Variants in GRIN2A observed in about 807,000 individuals in gnomAD.
GRIN2A encodes glutamate ionotropic receptor NMDA type subunit 2A.
Under a neutral mutation model 113.4 loss-of-function variants are expected in GRIN2A, and 22 were observed. The ratio of observed to expected loss-of-function variants is 0.19; its 90% CI spans 0.14 to 0.28. The LOEUF (loss-of-function observed/expected upper bound fraction) is 0.28, where lower values mean the gene tolerates loss of function less well. Ranked by LOEUF, GRIN2A falls within the 10% of genes least tolerant of loss-of-function variation. The probability of loss-of-function intolerance (pLI) is 1.00; values close to 1 mark genes in which losing one functional copy is unlikely to be tolerated. For missense variants in GRIN2A, 1,502 were observed against 1,887.0 expected (o/e 0.80, Z 3.78); for synonymous variants, 827 against 738.4 (o/e 1.12, Z -1.94).
intron 11 of GRIN2A, among the ~76,000 whole-genome samples, chr16:9,785,564 G>A (rs1035523249): frequency 4.0e-5 from 6 of 150,450 alleles, no homozygotes; most frequent in Non-Finnish European, 7.4e-5. Context: ...CGTTGTGCAC[G>A]TGTACCCTAA....
chr16:9,929,878 C>T (rs1459760942), intron 3 of GRIN2A, among the ~76,000 whole-genome samples: 1 of 152,110 alleles, frequency 6.6e-6, no homozygotes, highest in African/African-American at 2.4e-5. Flanking sequence ...ATGTGTGACC[C>T]CAAAACAACC....
At chr16:10,126,215 T>A (rs2142200252) in intron 2 of GRIN2A, among the ~76,000 whole-genome samples, 1 of 151,942 alleles carries the variant, frequency 6.6e-6, no homozygotes, top group South Asian at 2.1e-4. Flanking sequence ...CAGGCTGGAA[T>A]GCAGTGGCAC....
At chr16:9,850,584 A>G (rs2042866001) in intron 4 of GRIN2A, among the ~76,000 whole-genome samples, 1 of 152,180 alleles carries the variant, frequency 6.6e-6, no homozygotes, top group Non-Finnish European at 1.5e-5. Flanking sequence ...AGATGAAGCT[A>G]GAGAGTGAAA....
chr16:9,919,659 C>T (rs2044321456), intron 3 of GRIN2A, among the ~76,000 whole-genome samples: 3 of 152,210 alleles, frequency 2.0e-5, no homozygotes, highest in South Asian at 2.1e-4. Context: ...GCTCAGAGGT[C>T]ACTGCAGTAC....
At chr16:9,887,516 T>C (rs952004218) in intron 4 of GRIN2A, among the ~76,000 whole-genome samples, 1 of 152,256 alleles carries the variant, frequency 6.6e-6, no homozygotes, top group African/African-American at 2.4e-5. Flanking sequence ...CATGTTGTTG[T>C]ACATATTACT....
Position 9,991,316 on chromosome 16 carries a change from C to T in GRIN2A, c.415-52765G>A, listed in dbSNP as rs534804249. Among the ~76,000 whole-genome samples, 125 of 152,326 alleles carry T rather than the reference C, an allele frequency of 8.2e-4. 3 individuals are homozygous for T. The South Asian group carries it at 0.025, about 31-fold the overall frequency. On this transcript the variant is annotated intron_variant, in intron 2 of 12. Transcript: ENST00000330684. Reference sequence around the variant, plus strand: ...CCCCAAGGTGGAGAACCAGTTCAATCTTGGTCCTCTGGCTCCAGGGTTCAG... The same window carrying T: ...CCCCAAGGTGGAGAACCAGTTCAATTTTGGTCCTCTGGCTCCAGGGTTCAG...
chr16:10,077,681 C>T (rs920592463), intron 2 of GRIN2A, among the ~76,000 whole-genome samples: 5 of 152,206 alleles, frequency 3.3e-5, no homozygotes, highest in African/African-American at 1.2e-4. Flanking sequence ...CCTTTCTGCC[C>T]TCATCTCCTT....
chr16:9,975,968 A>G (rs1477077100), intron 2 of GRIN2A, among the ~76,000 whole-genome samples: 1 of 152,242 alleles, frequency 6.6e-6, no homozygotes, highest in Non-Finnish European at 1.5e-5. Flanking sequence ...TAATAACCAT[A>G]AATGTGTATG....
intron 4 of GRIN2A, 60 bp downstream of exon 4, chr16:9,890,926 C>T (rs1189254122): frequency 2.5e-5 from 25 of 1,010,386 alleles, no homozygotes; most frequent in Non-Finnish European, 3.6e-5. Context: ...GCACTGTGAG[C>T]CCCTTTATTG....
chr16:9,835,782 G>A (rs1178469586), intron 7 of GRIN2A, among the ~76,000 whole-genome samples: 2 of 152,106 alleles, frequency 1.3e-5, no homozygotes, highest in African/African-American at 4.8e-5. Flanking sequence ...ACAGCTAGAG[G>A]TCACCACAAA....
At chr16:10,029,396 G>C (rs1444018043) in intron 2 of GRIN2A, among the ~76,000 whole-genome samples, 1 of 152,092 alleles carries the variant, frequency 6.6e-6, no homozygotes, top group Non-Finnish European at 1.5e-5. Context: ...GTTTCTCCAT[G>C]TTGGTCAGGC....
chr16:10,100,295 C>A (rs1426699286), intron 2 of GRIN2A, among the ~76,000 whole-genome samples: 1 of 152,136 alleles, frequency 6.6e-6, no homozygotes, highest in African/African-American at 2.4e-5. Context: ...TTGAAAGATC[C>A]CACTGGCTTC....
chr16:9,756,845 AT>A lies in GRIN2A; in HGVS notation c.*6303del, dbSNP rs1216409923. 5.4e-6 allele frequency: 1 copy of A among 183,700 alleles called. No homozygotes were observed. The highest frequency in any genetic ancestry group is 2.3e-5 in the African/African-American group (1 of 42,564). The allele number at this position is 183,700 out of a possible 1,614,324, so 11.4% of individuals were successfully genotyped here. A position where few individuals can be genotyped will look rare whatever the true frequency, so the allele number is the denominator to read the frequency against. On this transcript the variant is annotated 3_prime_UTR_variant, in exon 13 of 13. Coordinates refer to ENST00000330684, the MANE Select transcript of GRIN2A (RefSeq NM_001134407.3). Reference sequence around the variant, plus strand: ...ACAAAAGCTCCCTCTCCACCTCGCCATCCTTCCTGAAATACACCTCTATTCC... The same window carrying A: ...ACAAAAGCTCCCTCTCCACCTCGCCACCTTCCTGAAATACACCTCTATTCC...
intron 4 of GRIN2A, among the ~76,000 whole-genome samples, chr16:9,850,971 C>T (rs1486774563): frequency 6.6e-6 from 1 of 152,138 alleles, no homozygotes; most frequent in Non-Finnish European, 1.5e-5. Flanking sequence ...CACAGGTCAC[C>T]GCTTTATTTG....
chr16:10,099,793 A>G (rs555843307), intron 2 of GRIN2A, among the ~76,000 whole-genome samples: 11 of 152,298 alleles, frequency 7.2e-5, no homozygotes, highest in African/African-American at 1.9e-4. Context: ...TCAACATGGT[A>G]TTGAAGTCAG....
intron 2 of GRIN2A, among the ~76,000 whole-genome samples, chr16:10,094,394 G>A (rs960213696): frequency 6.6e-6 from 1 of 152,052 alleles, no homozygotes; most frequent in Non-Finnish European, 1.5e-5. Flanking sequence ...ATACATGAGG[G>A]GATTTTTTTA....
rs745747384 is a variant in GRIN2A at position 9,763,123 on chromosome 16, A to G, written c.*26T>C. 6 of 1,607,588 alleles carry G rather than the reference A, an allele frequency of 3.7e-6. No individual in the cohort carries two copies. The African/African-American group carries it at 4.0e-5, about 11-fold the overall frequency. ...CATTGGCCATTACGTATATTTCCCT[A>G]TAGATAAAACATTAATGGAAGATTT... On this transcript the variant is annotated 3_prime_UTR_variant, in exon 13 of 13. Coordinates refer to ENST00000330684, the MANE Select transcript of GRIN2A (RefSeq NM_001134407.3).
chr16:9,979,853 G>A (rs113960917), intron 2 of GRIN2A, among the ~76,000 whole-genome samples: 3,014 of 145,188 alleles, frequency 0.021, 112 homozygotes, highest in African/African-American at 0.073. Flanking sequence ...TTCTGTGTGT[G>A]TGTGTGTGTG....
At chr16:9,888,727 C>A (rs915706828) in intron 4 of GRIN2A, among the ~76,000 whole-genome samples, 7 of 151,732 alleles carry the variant, frequency 4.6e-5, no homozygotes, top group Non-Finnish European at 1.0e-4. Context: ...TGCGTATGTG[C>A]ATATAATATA....
Sources: gnomAD v4.1 joint callset for allele counts (sites outside exome capture counted in the v4.1 genomes callset) on GRCh38, gnomAD v4.1.1 for gene constraint, MANE v1.5 for transcripts, NCBI Gene and HGNC (gene_info 2026-07-23, HGNC 2026-07-21) for gene names.